The following FER variants were observed in gnomAD, a reference collection of about 807,000 sequenced individuals.
FER encodes the protein tyrosine-protein kinase Fer.
A neutral mutation model predicts 111.0 loss-of-function variants in FER; 63 were observed. The observed-to-expected ratio is 0.57, with a 90% CI of 0.46 to 0.70. The LOEUF is 0.70. Among genes scored for constraint, FER ranks in the 30% least tolerant of loss-of-function variants. The probability of loss-of-function intolerance (pLI) is 0.00; values close to 1 mark genes in which losing one functional copy is unlikely to be tolerated. For missense variants in FER, 914 were observed against 954.0 expected (o/e 0.96, Z 0.55); for synonymous variants, 327 against 313.9 (o/e 1.04, Z -0.44).
intron 17 of FER, among the ~76,000 whole-genome samples, chr5:109,117,961 C>T (rs1750467148): frequency 6.6e-6 from 1 of 151,968 alleles, no homozygotes; most frequent in Non-Finnish European, 1.5e-5. Flanking sequence ...CAAATAGGGA[C>T]AATTTGACTT....
chr5:108,850,320 T>G (rs1360092000), intron 5 of FER, among the ~76,000 whole-genome samples: 1 of 152,234 alleles, frequency 6.6e-6, no homozygotes, highest in East Asian at 1.9e-4. Flanking sequence ...TGTGTTTATT[T>G]TGTTTCATAA....
intron 17 of FER, among the ~76,000 whole-genome samples, chr5:109,161,525 C>T (rs896876052): frequency 1.3e-5 from 2 of 151,950 alleles, no homozygotes; most frequent in Admixed American, 1.3e-4. Flanking sequence ...TTGGTTTTCT[C>T]TTCCTGCATT....
At chr5:108,905,368 A>G (rs1255308449) in intron 10 of FER, among the ~76,000 whole-genome samples, 2 of 152,180 alleles carry the variant, frequency 1.3e-5, no homozygotes, top group East Asian at 3.8e-4. Context: ...TATCTTTTAA[A>G]TTATGAATTT....
chr5:108,871,602 A>C, intron 7 of FER, 100 bp downstream of exon 7: 1 of 829,962 alleles, frequency 1.2e-6, no homozygotes, highest in Middle Eastern at 3.8e-4. Context: ...TTAAGATCTT[A>C]TTAAGACATA....
chr5:109,011,317 G>C (rs1008155896), intron 13 of FER, among the ~76,000 whole-genome samples: 3 of 152,064 alleles, frequency 2.0e-5, no homozygotes, highest in African/African-American at 7.2e-5. Flanking sequence ...ACAGCAAAAT[G>C]TATGCACAAC....
intron 9 of FER, among the ~76,000 whole-genome samples, chr5:108,896,788 T>A (rs1167597320): frequency 6.6e-6 from 1 of 152,252 alleles, no homozygotes; most frequent in Non-Finnish European, 1.5e-5. Flanking sequence ...GAAGATAGTA[T>A]TTTCTGACCT....
intron 16 of FER, chr5:109,052,462 C>T: frequency 8.9e-7 from 1 of 1,120,922 alleles, no homozygotes; most frequent in Non-Finnish European, 1.4e-6. Context: ...ACGCATGTTG[C>T]CTGGGCACCA....
chr5:108,873,051 T>A (rs1764753382), intron 8 of FER, among the ~76,000 whole-genome samples: 3 of 151,508 alleles, frequency 2.0e-5, no homozygotes, highest in Admixed American at 2.0e-4. Flanking sequence ...TATTGTTCAG[T>A]AACATGGTGG....
At chr5:108,991,232 G>GGT (rs1035256271) in intron 13 of FER, among the ~76,000 whole-genome samples, 4 of 151,762 alleles carry the variant, frequency 2.6e-5, no homozygotes, top group East Asian at 1.9e-4. Flanking sequence ...TGTATATATG[G>GGT]GTGTGTGTGT....
chr5:108,956,905 G>A (rs1038522520), intron 12 of FER, among the ~76,000 whole-genome samples: 5 of 151,588 alleles, frequency 3.3e-5, no homozygotes, highest in African/African-American at 9.7e-5. Flanking sequence ...TATTTAATGA[G>A]TGCCTACTGT....
At chr5:108,806,137 G>C (rs780835214) in intron 3 of FER, among the ~76,000 whole-genome samples, 1 of 152,170 alleles carries the variant, frequency 6.6e-6, no homozygotes, top group African/African-American at 2.4e-5. Context: ...GTGACTAAAA[G>C]GGGCCAAGGT....
At chr5:109,099,062 C>G (rs1420191016) in intron 16 of FER, among the ~76,000 whole-genome samples, 1 of 151,524 alleles carries the variant, frequency 6.6e-6, no homozygotes, top group African/African-American at 2.4e-5. Flanking sequence ...CTAGAAATGG[C>G]AAATAAAATG....
chr5:109,101,563 A>AT (rs1748241117), intron 17 of FER, among the ~76,000 whole-genome samples: 1 of 152,106 alleles, frequency 6.6e-6, no homozygotes, highest in Non-Finnish European at 1.5e-5. Flanking sequence ...TTCTGAAACT[A>AT]TAATTATGAC....
intron 10 of FER, among the ~76,000 whole-genome samples, chr5:108,898,629 TTC>T: frequency 7.2e-6 from 1 of 139,716 alleles, no homozygotes; most frequent in South Asian, 2.6e-4. Context: ...CTTCCTTCCT[TTC>T]TTTTTCTTTT....
chr5:109,032,516 A>C (rs1269705020), intron 13 of FER, among the ~76,000 whole-genome samples: 1 of 152,126 alleles, frequency 6.6e-6, no homozygotes, highest in Non-Finnish European at 1.5e-5. Flanking sequence ...TCTGCTTCTG[A>C]GAGAACCCAA....
At chr5:108,819,823 G>A (rs1202705864) in intron 3 of FER, 13 of 985,154 alleles carry the variant, frequency 1.3e-5, no homozygotes, top group Non-Finnish European at 1.6e-5. Flanking sequence ...CCTTCTGGGA[G>A]TAAGAACTGA....
chr5:108,767,701 C>T lies in FER; in HGVS notation c.-205-392C>T, dbSNP rs145287408. 2.7e-4 allele frequency among the ~76,000 whole-genome samples: 41 copies of T among 152,308 alleles called. 1 individual carries two copies. The highest frequency in any genetic ancestry group is 8.7e-4 in the African/African-American group (36 of 41,562). The stretch of plus-strand genomic sequence containing the variant: ...TTCACTGTGTTGCCCAGGCTGGCCT[C>T]GAACTCCTGTACTCAGGCCATCCTC... On this transcript the variant is annotated intron_variant, in intron 1 of 19. Transcript: ENST00000281092.
intron 13 of FER, among the ~76,000 whole-genome samples, chr5:109,000,132 A>G (rs778202508): frequency 2.0e-5 from 3 of 151,612 alleles, no homozygotes; most frequent in Non-Finnish European, 4.4e-5. Flanking sequence ...CCTTTTTTTC[A>G]TAAAGATGAT....
At chr5:109,143,723 T>G (rs28430740) in intron 17 of FER, among the ~76,000 whole-genome samples, 7,753 of 151,466 alleles carry the variant, frequency 0.051, 227 homozygotes, top group Middle Eastern at 0.11. Context: ...GTTTTGTTTT[T>G]TTTTGAAAGT....
Sources: gnomAD v4.1 joint callset for allele counts (sites outside exome capture counted in the v4.1 genomes callset) on GRCh38, gnomAD v4.1.1 for gene constraint, MANE v1.5 for transcripts, NCBI Gene and HGNC (gene_info 2026-07-23, HGNC 2026-07-21) for gene names.